The following EPHA6 variants were observed in gnomAD, a reference collection of about 807,000 sequenced individuals.
The protein encoded by EPHA6 is EPH receptor A6, also known as ephrin type-A receptor 6.
A neutral mutation model predicts 112.0 loss-of-function variants in EPHA6; 50 were observed. That is an observed-to-expected ratio of 0.45 (90% CI 0.36 to 0.56). The LOEUF is 0.56. Ranked by LOEUF, EPHA6 falls within the 20% of genes least tolerant of loss-of-function variation. EPHA6 has a pLI of 0.00. For synonymous variants in EPHA6, 529 were observed against 490.7 expected (o/e 1.08, Z -1.03); for missense variants, 1,280 against 1,417.4 (o/e 0.90, Z 1.56).
chr3:97,358,842 A>G (rs1193988790), intron 5 of EPHA6, among the ~76,000 whole-genome samples: 1 of 152,090 alleles, frequency 6.6e-6, no homozygotes, highest in East Asian at 1.9e-4. Context: ...ATTTTGGATG[A>G]CAGCTTGTTT....
At chr3:97,121,344 A>G (rs1218067643) in intron 3 of EPHA6, among the ~76,000 whole-genome samples, 1 of 152,038 alleles carries the variant, frequency 6.6e-6, no homozygotes, top group East Asian at 1.9e-4. Flanking sequence ...TGACGCTAGA[A>G]ATATGTTGAG....
chr3:97,653,918 T>G (rs1387607207), intron 14 of EPHA6, among the ~76,000 whole-genome samples: 1 of 151,908 alleles, frequency 6.6e-6, no homozygotes, highest in African/African-American at 2.4e-5. Flanking sequence ...ATGATCTCAT[T>G]TACATGTAGA....
At chr3:97,220,290 C>A (rs2078154507) in intron 3 of EPHA6, among the ~76,000 whole-genome samples, 1 of 152,188 alleles carries the variant, frequency 6.6e-6, no homozygotes, top group Non-Finnish European at 1.5e-5. Flanking sequence ...CTGTCTTCTT[C>A]TGAGCCCTCC....
chr3:97,549,609 C>T (rs2093002506), intron 11 of EPHA6, among the ~76,000 whole-genome samples: 3 of 152,018 alleles, frequency 2.0e-5, no homozygotes, highest in Non-Finnish European at 4.4e-5. Flanking sequence ...CTCTCAGAAC[C>T]CTGATCATCT....
chr3:97,082,708 G>A (rs535857677), intron 3 of EPHA6, among the ~76,000 whole-genome samples: 6 of 151,864 alleles, frequency 4.0e-5, no homozygotes, highest in South Asian at 4.2e-4. Flanking sequence ...AGTGATATGC[G>A]TGTAACACCT....
intron 5 of EPHA6, among the ~76,000 whole-genome samples, chr3:97,385,515 G>A (rs1230363294): frequency 6.6e-6 from 1 of 152,160 alleles, no homozygotes. Flanking sequence ...TTAGACCCAG[G>A]TTTGTTTCAA....
At chr3:97,095,536 C>T (rs991725436) in intron 3 of EPHA6, among the ~76,000 whole-genome samples, 5 of 151,920 alleles carry the variant, frequency 3.3e-5, no homozygotes, top group African/African-American at 7.2e-5. Context: ...GCTGATAATG[C>T]TTACCATTAT....
chr3:96,904,416 A>C (rs899523627), intron 2 of EPHA6, among the ~76,000 whole-genome samples: 1 of 131,816 alleles, frequency 7.6e-6, no homozygotes. Flanking sequence ...ATGAGAACAC[A>C]TGGACACAGG....
At chr3:96,971,607 A>C (rs921593472) in intron 2 of EPHA6, among the ~76,000 whole-genome samples, 2 of 152,138 alleles carry the variant, frequency 1.3e-5, no homozygotes, top group Non-Finnish European at 2.9e-5. Flanking sequence ...GTTCTGAGGA[A>C]AATGTAATAT....
At chr3:96,831,820 G>A (rs2034101547) in intron 1 of EPHA6, among the ~76,000 whole-genome samples, 1 of 152,016 alleles carries the variant, frequency 6.6e-6, no homozygotes, top group South Asian at 2.1e-4. Context: ...CAGAATTGAA[G>A]AATATCTTAG....
rs1467604854 is a variant in EPHA6, at chr3:97,737,487, C to G, written c.3128+1369C>G. Among the ~76,000 whole-genome samples, 6 of 151,692 alleles carry G rather than the reference C, an allele frequency of 4.0e-5. No homozygotes were observed. In the East Asian group the frequency reaches 1.2e-3, roughly 30 times the overall value. ...ATAATAACGTTTATTATTAGGAAAA[C>G]CAATGCATCTTAGTCACTGTTTGAA... On this transcript the variant is annotated intron_variant, in intron 16 of 17. Coordinates refer to ENST00000389672, the MANE Select transcript of EPHA6 (RefSeq NM_001080448.3).
At chr3:97,491,372 T>G (rs949028588) in intron 10 of EPHA6, among the ~76,000 whole-genome samples, 6 of 152,148 alleles carry the variant, frequency 3.9e-5, no homozygotes, top group African/African-American at 1.2e-4. Context: ...TCTTAGACAC[T>G]CTCTGATACT....
At chr3:97,001,452 T>A (rs2043660957) in intron 3 of EPHA6, among the ~76,000 whole-genome samples, 2 of 151,948 alleles carry the variant, frequency 1.3e-5, no homozygotes, top group South Asian at 4.1e-4. Context: ...ATTACTGGTG[T>A]TCTCAGTTAT....
chr3:97,511,546 T>C (rs2092365181), intron 10 of EPHA6, among the ~76,000 whole-genome samples: 1 of 152,066 alleles, frequency 6.6e-6, no homozygotes, highest in African/African-American at 2.4e-5. Flanking sequence ...ATGAGTCGGG[T>C]ACCTCAGTTG....
chr3:97,356,285 G>T (rs559322067), intron 5 of EPHA6, among the ~76,000 whole-genome samples: 1 of 152,258 alleles, frequency 6.6e-6, no homozygotes, highest in African/African-American at 2.4e-5. Context: ...GCTCCCACTA[G>T]TTCTACATTA....
chr3:97,280,709 C>A (rs1278957952), intron 5 of EPHA6, among the ~76,000 whole-genome samples: 4 of 152,048 alleles, frequency 2.6e-5, no homozygotes, highest in Non-Finnish European at 5.9e-5. Context: ...TTATAGTTTC[C>A]TTATATATCT....
At position 97,592,668 on chromosome 3, in the gene EPHA6, T is replaced by C. The variant is rs776946676; in HGVS notation, c.2443T>C (p.Phe815Leu). 3 of 1,612,906 alleles carry C rather than the reference T, an allele frequency of 1.9e-6. No homozygotes were observed. Among genetic ancestry groups the C allele is most frequent in the Non-Finnish European group, 2.5e-6 (3 of 1,179,614 alleles). The change falls in exon 12 of 18, where the codon TTT becomes CTT. Residue 815 changes from phenylalanine (F) to leucine (L), a missense_variant. Physicochemically the swap from Phe to Leu is conservative, Grantham distance 22. Coordinates refer to ENST00000389672, the MANE Select transcript of EPHA6 (RefSeq NM_001080448.3). ...AFCPSFLRAG[F>L]LNSIQAPHPV... is the part of the protein sequence containing the mutation. ...TTGCCCCAGCTTCCTGAGGGCAGGG[T>C]TTTTAAATAGCATCCAGGCCCCGCA...
chr3:97,719,093 CCCCCCCA>C (rs2034391075), intron 14 of EPHA6, among the ~76,000 whole-genome samples: 2 of 122,794 alleles, frequency 1.6e-5, no homozygotes, highest in African/African-American at 5.9e-5. Flanking sequence ...CCCCCACCCC[CCCCCCCA>C]CCCCCCCCGC....
intron 6 of EPHA6, among the ~76,000 whole-genome samples, chr3:97,413,000 C>A (rs973373871): frequency 2.0e-5 from 3 of 151,654 alleles, no homozygotes; most frequent in Admixed American, 1.3e-4. Flanking sequence ...TTTTTCTTTT[C>A]TTTGCTTTTC....
Sources: allele counts gnomAD v4.1 joint callset (sites outside exome capture counted in the v4.1 genomes callset), GRCh38; gene constraint gnomAD v4.1.1; transcripts MANE v1.5; gene names NCBI Gene and HGNC (gene_info 2026-07-23, HGNC 2026-07-21).